The following NUDT8 variants were observed in gnomAD, a reference collection of about 807,000 sequenced individuals.
NUDT8 encodes nudix hydrolase 8.
A neutral mutation model predicts 12.5 loss-of-function variants in NUDT8; 14 were observed. That is an observed-to-expected ratio of 1.12 (90% CI 0.74 to 1.75). The LOEUF is 1.75. NUDT8 is among the 40% of genes most tolerant of loss of function. NUDT8 has a pLI of 0.00. For missense variants in NUDT8, 337 were observed against 318.5 expected, an observed-to-expected ratio of 1.06 and a Z score of -0.44; for synonymous variants, 163 against 156.2, an observed-to-expected ratio of 1.04 and a Z score of -0.33.
Position 67,629,000 on chromosome 11 carries a change from G to A in NUDT8, c.246C>T (p.Ala82=). Residue 82 remains alanine (A), a synonymous_variant, in exon 2 of 4, where the codon GCC becomes GCT. Transcript: ENST00000376693. ...CCAGCTCCTCCCGGGTTTCCCGCAG[G>A]GCCGTGTGCACCACATCTTGGTCAG... is the stretch of plus-strand genomic sequence containing the variant. The part of the protein sequence containing the change: ...DPADQDVVHT[A]LRETREELGL... 6.2e-7 allele frequency: 1 copy of A among 1,613,052 alleles called. No individual in the cohort carries two copies. The highest frequency in any genetic ancestry group is 2.2e-5 in the East Asian group (1 of 44,874).
At chr11:67,629,157 T>A in intron 1 of NUDT8, 106 bp from the exon 2 acceptor site, 8 of 1,254,294 alleles carry the variant, frequency 6.4e-6, no homozygotes, top group Non-Finnish European at 8.7e-6. Flanking sequence ...GTCGCCTGCC[T>A]CTGCCCCTAG....
intron 2 of NUDT8, 83 bp from the exon 3 acceptor site, chr11:67,628,483 C>T (rs1855151676): frequency 5.0e-6 from 6 of 1,188,492 alleles, no homozygotes; most frequent in Non-Finnish European, 7.3e-6. Context: ...AGGAAGACCC[C>T]TTTGCCATGC....
rs759753400 is a variant in NUDT8, at chr11:67,629,041, C to A, written c.205G>T (p.Gly69Cys). 9.9e-6 allele frequency: 16 copies of A among 1,610,992 alleles called. No individual in the cohort carries two copies. Among genetic ancestry groups the A allele is most frequent in the Non-Finnish European group, 1.4e-5 (16 of 1,178,724 alleles). ...TCTTGGTCAGCCGGGTCGCACTTGC[C>A]GCCTGGGAAACTAAACAGACACAAG... ...RHKGDVSFPGGKCDPADQDVV... is the reference protein window; with the variant it reads ...RHKGDVSFPGCKCDPADQDVV... Residue 69 changes from glycine (G) to cysteine (C), a missense_variant, in exon 2 of 4, where the codon GGC (glycine) becomes TGC (cysteine). Physicochemically the swap from Gly to Cys is radical, Grantham distance 159. Coordinates refer to ENST00000376693, the MANE Select transcript of NUDT8 (RefSeq NM_001243750.2).
intron 2 of NUDT8, 135 bp from the exon 3 acceptor site, chr11:67,628,535 C>T (rs1855152094): frequency 5.5e-6 from 4 of 729,558 alleles, no homozygotes; most frequent in East Asian, 2.7e-5. Flanking sequence ...CTGCCTGTGT[C>T]CTCCAGCCAT....
In NUDT8 at chr11:67,628,330, G is replaced by A. The variant is rs138933955; in HGVS notation, c.398C>T (p.Ser133Leu). ...TCATATCCCCCAGCTCACCTCCTCC[G>A]AGTTGGGCCTGAGGCTCTGGGGATC... ...PLDPQSLRPN[S>L]EEVDEVFALP... Residue 133 changes from serine to leucine, a missense_variant, in exon 3 of 4, where the codon TCG becomes TTG. By Grantham distance (145) the Ser-to-Leu change is moderately radical. Transcript: ENST00000376693. The A allele has an allele frequency of 1.9e-6, 3 of 1,613,910 alleles. No individual in the cohort carries two copies. Among genetic ancestry groups the A allele is most frequent in the Non-Finnish European group, 1.7e-6 (2 of 1,179,980 alleles).
chr11:67,629,260 G>A (rs1855165872), intron 1 of NUDT8: 2 of 554,086 alleles, frequency 3.6e-6, no homozygotes, highest in Non-Finnish European at 6.4e-6. Flanking sequence ...CCGGGACAGC[G>A]CAGGATAAGA....
chr11:67,628,363 C>T lies in NUDT8; in HGVS notation c.365G>A (p.Gly122Asp). 6.2e-7 allele frequency: 1 copy of T among 1,613,880 alleles called. No homozygotes were observed. Among genetic ancestry groups the T allele is most frequent in the Admixed American group, 1.7e-5 (1 of 60,014 alleles). Residue 122 changes from glycine to aspartate, a missense_variant, in exon 3 of 4, where the codon GGC becomes GAC. Coordinates refer to ENST00000376693, the MANE Select transcript of NUDT8 (RefSeq NM_001243750.2). The stretch of plus-strand genomic sequence containing the variant: ...CCTGAGGCTCTGGGGATCCAGTGGG[C>T]CTACACCAGCAAGCACTGGCACCAC... Reference protein sequence around the residue: ...ATVVPVLAGVGPLDPQSLRPN... With the variant: ...ATVVPVLAGVDPLDPQSLRPN...
At position 67,629,818 on chromosome 11, in the gene NUDT8, C is replaced by G. The variant is rs1855181832; in HGVS notation, c.94G>C (p.Ala32Pro). The change falls in exon 1 of 4, where the codon GCC (alanine) becomes CCC (proline). Residue 32 changes from alanine to proline, a missense_variant. Transcript: ENST00000376693. ...GAGCAGAGCGGCACGAGCACCGCGG[C>G]CGACGCGGGCCGCGCGCGGAGCCGG... Reference protein sequence around the residue: ...TARLRARPASAAVLVPLCSVR... With the variant: ...TARLRARPASPAVLVPLCSVR... 2 of 1,400,738 alleles carry G rather than the reference C, an allele frequency of 1.4e-6. No individual in the cohort carries two copies. The highest frequency in any genetic ancestry group is 5.2e-5 in the Admixed American group (2 of 38,100). The allele number at this position is 1,400,738 out of a possible 1,614,324, so 86.8% of individuals were successfully genotyped here. A position where few individuals can be genotyped will look rare whatever the true frequency, so the allele number is the denominator to read the frequency against.
intron 1 of NUDT8, 94 bp from the exon 2 acceptor site, chr11:67,629,145 G>C (rs1855164293): frequency 2.2e-6 from 3 of 1,346,680 alleles, no homozygotes; most frequent in Non-Finnish European, 3.0e-6. Context: ...GCCCACCGAA[G>C]TGTCGCCTGC....
rs780541698 is a variant in NUDT8, at chr11:67,628,392, G to A, written c.336C>T (p.Ala112=). 3 of 1,613,656 alleles carry A rather than the reference G, an allele frequency of 1.9e-6. No homozygotes were observed. The highest frequency in any genetic ancestry group is 2.5e-6 in the Non-Finnish European group (3 of 1,179,928). ...LLRPVYDPQK[A]TVVPVLAGVG... is the part of the protein sequence containing the mutation. ...CACCAGCAAGCACTGGCACCACGGT[G>A]GCCTTTTGCTGGGGAAGAGGGCAGG... The change falls in exon 3 of 4, where the codon GCC becomes GCT. Residue 112 remains alanine, a synonymous_variant. Coordinates refer to ENST00000376693, the MANE Select transcript of NUDT8 (RefSeq NM_001243750.2).
At position 67,628,934 on chromosome 11, in the gene NUDT8, C is replaced by A. The variant is rs771584174; in HGVS notation, c.312G>T (p.Arg104=). Residue 104 remains arginine (R), a synonymous_variant, in exon 2 of 4, where the codon CGG becomes CGT. Coordinates refer to ENST00000376693, the MANE Select transcript of NUDT8 (RefSeq NM_001243750.2). ...AGTGGCTTACCGGATCATACACAGG[C>A]CGCAGCAGGCCCCACACGTGCTCCT... ...VPEEHVWGLL[R]PVYDPQKATV... 6.8e-6 allele frequency: 11 copies of A among 1,610,782 alleles called. No individual in the cohort carries two copies. The Admixed American group carries it at 8.4e-5, about 12-fold the overall frequency.
At chr11:67,628,846 C>A (rs1855156910) in intron 2 of NUDT8, 73 bp downstream of exon 2, 1 of 1,532,710 alleles carries the variant, frequency 6.5e-7, no homozygotes, top group Admixed American at 1.9e-5. Context: ...CTCTCCTGGT[C>A]CCTGGTAGCC....
intron 2 of NUDT8, 85 bp downstream of exon 2, chr11:67,628,834 C>T (rs750672940): frequency 2.5e-4 from 370 of 1,505,406 alleles, no homozygotes; most frequent in Non-Finnish European, 3.1e-4. Context: ...GGTCCATGAC[C>T]ACTCTCCTGG....
chr11:67,629,819 CGA>C lies in NUDT8; in HGVS notation c.91_92del (p.Ser31GlyfsTer44). On this transcript the variant is annotated frameshift_variant, in exon 1 of 4. Transcript: ENST00000376693. LOFTEE classifies it high-confidence loss of function. The part of the protein sequence containing the change: ...ATARLRARPA[S>X]AAVLVPLCSV... ...AGCAGAGCGGCACGAGCACCGCGGC[CGA>C]CGCGGGCCGCGCGCGGAGCCGGGCC... 7.1e-7 allele frequency: 1 copy of C among 1,399,676 alleles called. No homozygotes were observed. The highest frequency in any genetic ancestry group is 9.3e-7 in the Non-Finnish European group (1 of 1,077,658). 86.7% of individuals were successfully genotyped at this position (1,399,676 alleles called of 1,614,324 possible). A position where few individuals can be genotyped will look rare whatever the true frequency, so the allele number is the denominator to read the frequency against.
chr11:67,628,639 G>C (rs1248939205), intron 2 of NUDT8, among the ~76,000 whole-genome samples: 1 of 152,190 alleles, frequency 6.6e-6, no homozygotes, highest in Admixed American at 6.5e-5. Context: ...TTCAATCCCT[G>C]CCTACCCCAT....
rs2134094090 is a variant in NUDT8, at chr11:67,628,120, C to T, written c.537G>A (p.Trp179Ter). The change falls in exon 4 of 4, where the codon TGG (tryptophan) becomes TGA (stop). Residue 179 changes from tryptophan to a stop codon, truncating the protein, a stop_gained. Coordinates refer to ENST00000376693, the MANE Select transcript of NUDT8 (RefSeq NM_001243750.2). LOFTEE classifies it low-confidence loss of function (END_TRUNC). Reference sequence around the variant, plus strand: ...ACTCAGTGATGACAGCTGTGAGGCCCCAGACCCGGTGTGGTCCATGCAGGA... The same window carrying T: ...ACTCAGTGATGACAGCTGTGAGGCCTCAGACCCGGTGTGGTCCATGCAGGA... ...PVFLHGPHRV[W>*]GLTAVITEFA... 1 of 1,598,998 alleles carries T rather than the reference C, an allele frequency of 6.3e-7. No individual in the cohort carries two copies. Among genetic ancestry groups the T allele is most frequent in the East Asian group, 2.2e-5 (1 of 44,884 alleles).
At chr11:67,629,207 G>A in intron 1 of NUDT8, 156 bp from the exon 2 acceptor site, 1 of 711,336 alleles carries the variant, frequency 1.4e-6, no homozygotes, top group South Asian at 1.9e-5. Flanking sequence ...GACCTCTGGA[G>A]GCCAGTTTAC....
At position 67,629,128 on chromosome 11, in the gene NUDT8, G is replaced by C. The variant is rs1049036321; in HGVS notation, c.195-77C>G. On this transcript the variant is annotated intron_variant, in intron 1 of 3. Coordinates refer to ENST00000376693, the MANE Select transcript of NUDT8 (RefSeq NM_001243750.2). ...TCGGGGTATCGGCAGTGCGGGGGGG[G>C]CCACTGGCCCACCGAAGTGTCGCCT... 6.2e-6 allele frequency: 9 copies of C among 1,440,326 alleles called. No individual in the cohort carries two copies. The African/African-American group carries it at 1.1e-4, about 18-fold the overall frequency. The allele number at this position is 1,440,326 out of a possible 1,614,324, so 89.2% of individuals were successfully genotyped here. A position where few individuals can be genotyped will look rare whatever the true frequency, so the allele number is the denominator to read the frequency against.
At position 67,628,919 on chromosome 11, in the gene NUDT8, C is replaced by T. The variant is rs749779116; in HGVS notation, c.327G>A (p.Pro109=). The part of the protein sequence containing the change: ...VWGLLRPVYD[P]QKATVVPVLA... Reference sequence around the variant, plus strand: ...GGGTGGCCTCAGCCAAGTGGCTTACCGGATCATACACAGGCCGCAGCAGGC... The same window carrying T: ...GGGTGGCCTCAGCCAAGTGGCTTACTGGATCATACACAGGCCGCAGCAGGC... The change falls in exon 2 of 4, where the codon CCG becomes CCA. Residue 109 remains proline, a splice_region_variant and synonymous_variant. Coordinates refer to ENST00000376693, the MANE Select transcript of NUDT8 (RefSeq NM_001243750.2). 6.9e-6 allele frequency: 11 copies of T among 1,604,230 alleles called. 1 individual carries two copies. Among genetic ancestry groups the T allele is most frequent in the Middle Eastern group, 1.7e-4 (1 of 6,020 alleles).
Sources: allele counts gnomAD v4.1 joint callset (sites outside exome capture counted in the v4.1 genomes callset), GRCh38; gene constraint gnomAD v4.1.1; transcripts MANE v1.5; gene names NCBI Gene and HGNC (gene_info 2026-07-23, HGNC 2026-07-21).